Variants in POLR3B observed in about 807,000 individuals in gnomAD.
POLR3B encodes the protein RNA polymerase III subunit B.
Under a neutral mutation model 147.4 loss-of-function variants are expected in POLR3B, and 96 were observed. The ratio of observed to expected loss-of-function variants is 0.65; its 90% CI spans 0.55 to 0.77. The LOEUF (loss-of-function observed/expected upper bound fraction) is 0.77, where lower values mean the gene tolerates loss of function less well. Among genes scored for constraint, POLR3B ranks in the 30% least tolerant of loss-of-function variants. POLR3B has a pLI of 0.00. For missense variants in POLR3B, 1,036 were observed against 1,413.5 expected (o/e 0.73, Z 4.28); for synonymous variants, 461 against 485.9 (o/e 0.95, Z 0.67).
intron 25 of POLR3B, among the ~76,000 whole-genome samples, chr12:106,500,744 G>A (rs2038585920): frequency 6.6e-6 from 1 of 152,146 alleles, no homozygotes; most frequent in Non-Finnish European, 1.5e-5. Context: ...GTAATGAAGA[G>A]GCCAGTGTTG....
intron 18 of POLR3B, 103 bp downstream of exon 18, chr12:106,437,882 A>T: frequency 1.4e-6 from 1 of 737,610 alleles, no homozygotes. Context: ...TACTCTTTTG[A>T]CAGGAACTGT....
chr12:106,495,059 C>A (rs1408179452), intron 23 of POLR3B, among the ~76,000 whole-genome samples: 2 of 152,132 alleles, frequency 1.3e-5, no homozygotes, highest in African/African-American at 4.8e-5. Flanking sequence ...ACTTTATACA[C>A]AGAGAAAAGG....
Position 106,357,841 on chromosome 12 carries a change from G to C in POLR3B, c.-39G>C, listed in dbSNP as rs140312606. 5.1e-4 allele frequency: 810 copies of C among 1,595,244 alleles called. 5 individuals carry two copies. In the African/African-American group the frequency reaches 9.6e-3, roughly 19 times the overall value. On this transcript the variant is annotated 5_prime_UTR_variant, in exon 1 of 28. Transcript: ENST00000228347. ...TTTGCTTGGTGCAGGGAAGGCGGGC[G>C]CGGAGGTTCTATCTGTTTCTTCCTC...
chr12:106,481,612 T>G (rs1354986026), intron 23 of POLR3B, among the ~76,000 whole-genome samples: 1 of 152,206 alleles, frequency 6.6e-6, no homozygotes, highest in Non-Finnish European at 1.5e-5. Flanking sequence ...TTTATCAGCT[T>G]TCAAAGTTGT....
intron 19 of POLR3B, among the ~76,000 whole-genome samples, chr12:106,448,911 T>G (rs2037761215): frequency 6.6e-6 from 1 of 152,160 alleles, no homozygotes; most frequent in Non-Finnish European, 1.5e-5. Context: ...CAAAACTAAC[T>G]TCTTTTCTCA....
At chr12:106,364,792 T>C (rs948832207) in intron 2 of POLR3B, among the ~76,000 whole-genome samples, 11 of 152,214 alleles carry the variant, frequency 7.2e-5, no homozygotes, top group Admixed American at 7.2e-4. Context: ...AGGTACCCGC[T>C]GCAACATGGA....
chr12:106,404,909 A>G (rs1474388821), intron 10 of POLR3B, among the ~76,000 whole-genome samples: 1 of 152,004 alleles, frequency 6.6e-6, no homozygotes. Context: ...TAATTTTTAT[A>G]TTTGTTTTGA....
intron 6 of POLR3B, among the ~76,000 whole-genome samples, chr12:106,374,481 A>C (rs984653468): frequency 6.6e-6 from 1 of 150,494 alleles, no homozygotes; most frequent in African/African-American, 2.4e-5. Context: ...CTCCCAAAGC[A>C]TTGAGAATTG....
intron 21 of POLR3B, among the ~76,000 whole-genome samples, chr12:106,457,642 TCC>T (rs1367923153): frequency 6.6e-6 from 1 of 152,194 alleles, no homozygotes; most frequent in African/African-American, 2.4e-5. Flanking sequence ...TAGAATTTTA[TCC>T]CCCTGCAAAG....
intron 12 of POLR3B, among the ~76,000 whole-genome samples, chr12:106,412,068 C>T (rs1466247929): frequency 6.6e-6 from 1 of 152,164 alleles, no homozygotes; most frequent in Non-Finnish European, 1.5e-5. Context: ...GGGTCATTCT[C>T]TTCATTAGCT....
At chr12:106,415,172 C>T (rs1035965416) in intron 12 of POLR3B, among the ~76,000 whole-genome samples, 3 of 152,156 alleles carry the variant, frequency 2.0e-5, no homozygotes, top group African/African-American at 7.2e-5. Context: ...TTAGCTTCAC[C>T]CCAACTCCAT....
chr12:106,469,612 G>A (rs1293693956), intron 23 of POLR3B, among the ~76,000 whole-genome samples: 1 of 152,158 alleles, frequency 6.6e-6, no homozygotes, highest in Non-Finnish European at 1.5e-5. Context: ...CATGTTTAGT[G>A]CTTCCTTCAG....
intron 23 of POLR3B, among the ~76,000 whole-genome samples, chr12:106,495,108 T>G (rs1427383120): frequency 1.3e-5 from 2 of 152,188 alleles, no homozygotes; most frequent in Non-Finnish European, 2.9e-5. Context: ...GTGTTTGTTT[T>G]CTTAGTCCAA....
intron 15 of POLR3B, among the ~76,000 whole-genome samples, chr12:106,433,218 G>A (rs2037533014): frequency 6.6e-6 from 1 of 152,232 alleles, no homozygotes; most frequent in Admixed American, 6.5e-5. Context: ...CATTGAGTGA[G>A]CTTTTACTCT....
intron 24 of POLR3B, 82 bp from the exon 25 acceptor site, chr12:106,496,670 G>A: frequency 8.4e-7 from 1 of 1,193,238 alleles, no homozygotes; most frequent in Middle Eastern, 2.1e-4. Context: ...AGTGGTCGTG[G>A]GGAAATGAGC....
chr12:106,374,663 C>T (rs559234180), intron 6 of POLR3B, among the ~76,000 whole-genome samples: 149 of 152,038 alleles, frequency 9.8e-4, no homozygotes, highest in Non-Finnish European at 1.8e-3. Context: ...TATAGGCGCA[C>T]GCCACCACGC....
At chr12:106,358,118 G>A in intron 1 of POLR3B, 167 bp downstream of exon 1, 1 of 1,488,082 alleles carries the variant, frequency 6.7e-7, no homozygotes, top group Non-Finnish European at 8.9e-7. Flanking sequence ...TCCAGAGCCG[G>A]CCTCCGCGTG....
chr12:106,469,331 G>T (rs2137043246), intron 23 of POLR3B, among the ~76,000 whole-genome samples: 1 of 142,366 alleles, frequency 7.0e-6, no homozygotes, highest in Middle Eastern at 3.8e-3. Context: ...TTTATTTTGA[G>T]CCTATGTGTG....
At position 106,509,561 on chromosome 12, in the gene POLR3B, A is replaced by G; in HGVS notation, c.*12A>G. 2 of 1,609,218 alleles carry G rather than the reference A, an allele frequency of 1.2e-6. No homozygotes were observed. Among genetic ancestry groups the G allele is most frequent in the African/African-American group, 1.3e-5 (1 of 74,966 alleles). ...AGTACAATGAATGAGGATGGAAAAAATGATTATTAAAGAGAACAAGTGATA... is the reference window on the plus strand; with the variant it reads ...AGTACAATGAATGAGGATGGAAAAAGTGATTATTAAAGAGAACAAGTGATA... On this transcript the variant is annotated 3_prime_UTR_variant, in exon 28 of 28. Coordinates refer to ENST00000228347, the MANE Select transcript of POLR3B (RefSeq NM_018082.6).
Sources: gnomAD v4.1 joint callset for allele counts (sites outside exome capture counted in the v4.1 genomes callset) on GRCh38, gnomAD v4.1.1 for gene constraint, MANE v1.5 for transcripts, NCBI Gene and HGNC (gene_info 2026-07-23, HGNC 2026-07-21) for gene names.